ZDHHC2: variants seen among roughly 807,000 people sequenced by gnomAD.
ZDHHC2 encodes the protein zDHHC palmitoyltransferase 2.
A neutral mutation model predicts 55.6 loss-of-function variants in ZDHHC2; 51 were observed. That is an observed-to-expected ratio of 0.92 (90% CI 0.73 to 1.16). ZDHHC2 has a LOEUF of 1.16. ZDHHC2 is among the 50% of genes most tolerant of loss of function. The pLI is 0.00. For synonymous variants in ZDHHC2, 199 were observed against 152.9 expected, an observed-to-expected ratio of 1.30 and a Z score of -2.22; for missense variants, 491 against 442.4, an observed-to-expected ratio of 1.11 and a Z score of -0.99.
At chr8:17,208,709 A>G (rs1807226368) in intron 8 of ZDHHC2, among the ~76,000 whole-genome samples, 1 of 152,184 alleles carries the variant, frequency 6.6e-6, no homozygotes, top group Non-Finnish European at 1.5e-5. Context: ...CATTACACCA[A>G]ATACTATTAG....
At chr8:17,203,277 G>A (rs930629924) in intron 6 of ZDHHC2, among the ~76,000 whole-genome samples, 8 of 150,652 alleles carry the variant, frequency 5.3e-5, no homozygotes, top group Non-Finnish European at 1.0e-4. Flanking sequence ...ATGGAGTTTT[G>A]CTCTTGTCGC....
intron 1 of ZDHHC2, among the ~76,000 whole-genome samples, chr8:17,183,651 T>C (rs1050830571): frequency 6.6e-6 from 1 of 152,218 alleles, no homozygotes. Context: ...GGGGACACTA[T>C]AACATCAAAT....
rs2150868976 is a variant in ZDHHC2, at chr8:17,156,587, C to G, written c.-137C>G. On this transcript the variant is annotated 5_prime_UTR_variant, in exon 1 of 13. Coordinates refer to ENST00000262096, the MANE Select transcript of ZDHHC2 (RefSeq NM_016353.5). ...GCTGCGGGATGGGGAGTTAGCGCCA[C>G]GGCGGCGGCAGTGGCCGCAGCGCAC... 1 of 566,646 alleles carries G rather than the reference C, an allele frequency of 1.8e-6. No homozygotes were observed. Among genetic ancestry groups the G allele is most frequent in the African/African-American group, 2.0e-5 (1 of 49,006 alleles). The allele number at this position is 566,646 out of a possible 1,614,324, so 35.1% of individuals were successfully genotyped here. A position where few individuals can be genotyped will look rare whatever the true frequency, so the allele number is the denominator to read the frequency against.
intron 10 of ZDHHC2, among the ~76,000 whole-genome samples, chr8:17,213,513 A>G (rs1807490730): frequency 1.3e-5 from 2 of 152,186 alleles, no homozygotes; most frequent in African/African-American, 4.8e-5. Flanking sequence ...TCAGCTTCCC[A>G]AAGTGCTGGG....
chr8:17,183,380 C>G (rs1056146723), intron 1 of ZDHHC2, among the ~76,000 whole-genome samples: 5 of 152,178 alleles, frequency 3.3e-5, no homozygotes, highest in Non-Finnish European at 7.3e-5. Flanking sequence ...ACAGGCTTGC[C>G]TCAAGCCTCT....
chr8:17,163,176 G>A (rs1043581395), intron 1 of ZDHHC2, among the ~76,000 whole-genome samples: 3 of 152,208 alleles, frequency 2.0e-5, no homozygotes, highest in East Asian at 1.9e-4. Flanking sequence ...CGAGTGAAGC[G>A]GAGCTGACGT....
intron 6 of ZDHHC2, among the ~76,000 whole-genome samples, chr8:17,199,488 TTC>T (rs1563160993): frequency 6.3e-5 from 2 of 31,924 alleles, no homozygotes; most frequent in East Asian, 1.1e-3. Flanking sequence ...CTTCTTCTTC[TTC>T]TTCTTCTTCT....
chr8:17,181,956 T>C (rs966298564), intron 1 of ZDHHC2, among the ~76,000 whole-genome samples: 1 of 152,182 alleles, frequency 6.6e-6, no homozygotes, highest in Middle Eastern at 3.2e-3. Flanking sequence ...GTTTTTACTC[T>C]GTGAGAAAGG....
At chr8:17,171,183 G>A (rs1177229115) in intron 1 of ZDHHC2, among the ~76,000 whole-genome samples, 1 of 152,278 alleles carries the variant, frequency 6.6e-6, no homozygotes, top group Non-Finnish European at 1.5e-5. Context: ...GTAGGAACTT[G>A]GAGTTGAGTT....
intron 6 of ZDHHC2, among the ~76,000 whole-genome samples, chr8:17,201,678 T>G (rs1563163384): frequency 6.7e-6 from 1 of 149,884 alleles, no homozygotes. Flanking sequence ...TTTTTTTTTT[T>G]TGTATTTTTG....
At chr8:17,199,658 TC>T (rs1456865131) in intron 6 of ZDHHC2, among the ~76,000 whole-genome samples, 1 of 144,028 alleles carries the variant, frequency 6.9e-6, no homozygotes, top group African/African-American at 2.6e-5. Flanking sequence ...TCCTCCCTCC[TC>T]CCTCCTCCCT....
intron 3 of ZDHHC2, among the ~76,000 whole-genome samples, chr8:17,191,894 G>A (rs942461017): frequency 4.6e-5 from 7 of 152,134 alleles, no homozygotes; most frequent in Non-Finnish European, 1.0e-4. Context: ...GAAACCCATC[G>A]TAGTAGTACT....
intron 7 of ZDHHC2, among the ~76,000 whole-genome samples, chr8:17,206,870 A>G (rs565743689): frequency 3.3e-5 from 5 of 152,306 alleles, no homozygotes; most frequent in African/African-American, 1.2e-4. Flanking sequence ...ATTTGAACCA[A>G]ATTTAATACC....
chr8:17,190,086 C>A (rs535695385), intron 3 of ZDHHC2, among the ~76,000 whole-genome samples: 3 of 151,990 alleles, frequency 2.0e-5, no homozygotes, highest in African/African-American at 4.8e-5. Context: ...AATTTTTTTA[C>A]GTATTATTCA....
At chr8:17,218,664 C>G (rs1807761039) in intron 12 of ZDHHC2, among the ~76,000 whole-genome samples, 1 of 152,062 alleles carries the variant, frequency 6.6e-6, no homozygotes, top group South Asian at 2.1e-4. Context: ...CTGACAGAAA[C>G]TTGATTTTAT....
At chr8:17,193,793 A>T (rs1344272790) in intron 3 of ZDHHC2, among the ~76,000 whole-genome samples, 1 of 152,104 alleles carries the variant, frequency 6.6e-6, no homozygotes, top group African/African-American at 2.4e-5. Flanking sequence ...TTATACTTTA[A>T]GTTCTGGGGT....
At chr8:17,188,371 C>G (rs76973358) in intron 3 of ZDHHC2, among the ~76,000 whole-genome samples, 1 of 151,860 alleles carries the variant, frequency 6.6e-6, no homozygotes, top group African/African-American at 2.4e-5. Flanking sequence ...TTCTGCCTAG[C>G]AATAGCAGCT....
chr8:17,217,195 A>G lies in ZDHHC2; in HGVS notation c.1087A>G (p.Met363Val). Reference protein sequence around the residue: ...KAGMSNPALTMENET With the variant: ...KAGMSNPALTVENET The stretch of plus-strand genomic sequence containing the variant: ...AGGTATGAGCAATCCTGCATTAACC[A>G]TGGAAAATGAGACTTAACTCTTCAA... Residue 363 changes from methionine to valine, a missense_variant, in exon 12 of 13, where the codon ATG (methionine) becomes GTG (valine). Met to Val is a conservative substitution (Grantham distance 21). Transcript: ENST00000262096. The G allele has an allele frequency of 6.2e-7, 1 of 1,611,476 alleles. No homozygotes were observed. Among genetic ancestry groups the G allele is most frequent in the Non-Finnish European group, 8.5e-7 (1 of 1,178,602 alleles).
chr8:17,191,463 C>T (rs765408038), intron 3 of ZDHHC2, among the ~76,000 whole-genome samples: 7 of 152,186 alleles, frequency 4.6e-5, no homozygotes, highest in Non-Finnish European at 8.8e-5. Context: ...TCCAAGTTTC[C>T]TACTACCCTT....
Sources: allele counts gnomAD v4.1 joint callset (sites outside exome capture counted in the v4.1 genomes callset), GRCh38; gene constraint gnomAD v4.1.1; transcripts MANE v1.5; gene names NCBI Gene and HGNC (gene_info 2026-07-23, HGNC 2026-07-21).